NWD2: variants seen among roughly 807,000 people sequenced by gnomAD.
NWD2 encodes the protein NACHT and WD repeat domain-containing protein 2.
In NWD2, 37 loss-of-function variants were observed where a neutral mutation model predicts 132.7. That is an observed-to-expected ratio of 0.28 (90% CI 0.21 to 0.37). The LOEUF (loss-of-function observed/expected upper bound fraction) is 0.37. Among genes scored for constraint, NWD2 ranks in the 10% least tolerant of loss-of-function variants. NWD2 has a pLI of 1.00. For synonymous variants in NWD2, 705 were observed against 803.0 expected (o/e 0.88, Z 2.06); for missense variants, 1,592 against 2,122.4 (o/e 0.75, Z 4.91).
intron 2 of NWD2, among the ~76,000 whole-genome samples, chr4:37,354,478 G>A (rs1316047944): frequency 6.6e-6 from 1 of 152,220 alleles, no homozygotes; most frequent in Non-Finnish European, 1.5e-5. Context: ...CTGTCCCAGG[G>A]AGGTGGGAGT....
In NWD2 at chr4:37,447,560, T is replaced by A. The variant is rs1432640731; in HGVS notation, c.*343T>A. On this transcript the variant is annotated 3_prime_UTR_variant, in exon 7 of 7. Coordinates refer to ENST00000309447, the MANE Select transcript of NWD2 (RefSeq NM_001144990.2). ...TAGAGTTATATACAGATCATTTGGA[T>A]GGGAATTAGTTCTACAAAAATCAGC... The A allele has an allele frequency of 4.4e-6, 1 of 225,664 alleles. No individual in the cohort carries two copies. Among genetic ancestry groups the A allele is most frequent in the Non-Finnish European group, 8.8e-6 (1 of 113,606 alleles). 14.0% of individuals were successfully genotyped at this position (225,664 alleles called of 1,614,324 possible).
At chr4:37,276,568 T>C (rs1429725529) in intron 1 of NWD2, among the ~76,000 whole-genome samples, 1 of 152,116 alleles carries the variant, frequency 6.6e-6, no homozygotes, top group Non-Finnish European at 1.5e-5. Flanking sequence ...GAAATACCAT[T>C]TGACCCAGCC....
In NWD2 at chr4:37,446,416, A is replaced by C. The variant is rs578145579; in HGVS notation, c.4428A>C (p.Glu1476Asp). The change falls in exon 7 of 7, where the codon GAA becomes GAC. Residue 1476 changes from glutamate to aspartate, a missense_variant. Transcript: ENST00000309447. The surrounding 1 kb of genome is among the most constrained non-coding windows in gnomAD (Gnocchi z 6.7). ...TGSITKKFCC[E>D]DGTTIVNFKL... is the part of the protein sequence containing the mutation. Reference sequence around the variant, plus strand: ...GTATCACCAAGAAATTTTGCTGTGAAGATGGGACCACCATCGTGAATTTTA... The same window carrying C: ...GTATCACCAAGAAATTTTGCTGTGACGATGGGACCACCATCGTGAATTTTA... 1 of 1,551,796 alleles carries C rather than the reference A, an allele frequency of 6.4e-7. No individual in the cohort carries two copies. The highest frequency in any genetic ancestry group is 1.2e-5 in the South Asian group (1 of 84,056).
chr4:37,352,099 T>G (rs548945693), intron 2 of NWD2, among the ~76,000 whole-genome samples: 2 of 152,240 alleles, frequency 1.3e-5, no homozygotes, highest in Admixed American at 1.3e-4. Flanking sequence ...TCACTTCCAA[T>G]TATGGGGTCA....
chr4:37,283,724 T>C (rs942678710), intron 1 of NWD2, among the ~76,000 whole-genome samples: 1 of 152,210 alleles, frequency 6.6e-6, no homozygotes. Flanking sequence ...GACCAAGATT[T>C]TTCTTGATAT....
chr4:37,351,645 T>G (rs556012983), intron 2 of NWD2, among the ~76,000 whole-genome samples: 2 of 152,324 alleles, frequency 1.3e-5, no homozygotes, highest in South Asian at 4.1e-4. Flanking sequence ...ATTCATTGAT[T>G]TTTTTAAGAG....
intron 4 of NWD2, 112 bp from the exon 5 acceptor site, chr4:37,433,764 A>G (rs753310969): frequency 4.1e-6 from 3 of 724,722 alleles, no homozygotes; most frequent in Non-Finnish European, 6.6e-6. Flanking sequence ...TAAAGCACCT[A>G]TCATAGTATT....
At chr4:37,382,836 G>T (rs1017285460) in intron 3 of NWD2, among the ~76,000 whole-genome samples, 3 of 151,824 alleles carry the variant, frequency 2.0e-5, no homozygotes, top group African/African-American at 7.3e-5. Context: ...GATTACAGGC[G>T]CACACCACCA....
chr4:37,260,186 T>C (rs1717600498), intron 1 of NWD2, among the ~76,000 whole-genome samples: 1 of 152,160 alleles, frequency 6.6e-6, no homozygotes, highest in African/African-American at 2.4e-5. Flanking sequence ...GGTGTGACGT[T>C]CTTGTCCTTG....
chr4:37,258,600 G>T (rs1717566409), intron 1 of NWD2, among the ~76,000 whole-genome samples: 1 of 152,168 alleles, frequency 6.6e-6, no homozygotes, highest in South Asian at 2.1e-4. Flanking sequence ...GATTAAGTTT[G>T]GAATTTGAAA....
rs1475079944 is a variant in NWD2, at chr4:37,326,056, T to C, written c.240+32T>C. The C allele has an allele frequency of 7.5e-6, 10 of 1,328,032 alleles. No individual in the cohort carries two copies. In the East Asian group the frequency reaches 2.0e-4, roughly 27 times the overall value. The allele number at this position is 1,328,032 out of a possible 1,614,324, so 82.3% of individuals were successfully genotyped here. On this transcript the variant is annotated intron_variant, in intron 2 of 6. Transcript: ENST00000309447. ...CTAGTGTTAATTTCATTCACAGTTA[T>C]GTCCAGTTAAATAACTAGTGTTTGT...
chr4:37,400,020 G>T (rs1720870872), intron 3 of NWD2, among the ~76,000 whole-genome samples: 1 of 152,148 alleles, frequency 6.6e-6, no homozygotes, highest in Admixed American at 6.5e-5. Context: ...TCAGTAAGTA[G>T]CAGGTAACTG....
rs1049041916 is a variant in NWD2, at chr4:37,444,458, C to T, written c.2470C>T (p.Pro824Ser). ...GGTTTTCCAGTGTAATCCCCTGGAA[C>T]CTGACATCTTTTTCGTTAATCATCG... ...PWVFQCNPLE[P>S]DIFFVNHRKM... is the part of the protein sequence containing the mutation. The change falls in exon 7 of 7, where the codon CCT (proline) becomes TCT (serine). Residue 824 changes from proline (P) to serine (S), a missense_variant. By Grantham distance (74) the Pro-to-Ser change is moderately conservative (BLOSUM62 -1). Transcript: ENST00000309447. The surrounding 1 kb of genome is among the most constrained non-coding windows in gnomAD (Gnocchi z 4.8). 1.3e-6 allele frequency: 2 copies of T among 1,551,912 alleles called. No individual in the cohort carries two copies. The highest frequency in any genetic ancestry group is 1.7e-6 in the Non-Finnish European group (2 of 1,147,050).
chr4:37,285,849 T>G (rs938151513), intron 1 of NWD2, among the ~76,000 whole-genome samples: 19 of 152,226 alleles, frequency 1.2e-4, no homozygotes, highest in African/African-American at 4.6e-4. Flanking sequence ...AGTATCACTA[T>G]TCCATTCAGA....
At chr4:37,405,286 C>A (rs779114519) in intron 3 of NWD2, among the ~76,000 whole-genome samples, 9 of 152,028 alleles carry the variant, frequency 5.9e-5, no homozygotes, top group Non-Finnish European at 1.3e-4. Context: ...TTGTGGAGAG[C>A]GACTCTAAAA....
chr4:37,428,794 C>T (rs955570131), intron 3 of NWD2, among the ~76,000 whole-genome samples: 3 of 152,220 alleles, frequency 2.0e-5, no homozygotes, highest in African/African-American at 4.8e-5. Context: ...TGCAATGGCA[C>T]GATCTTGGCT....
intron 3 of NWD2, among the ~76,000 whole-genome samples, chr4:37,397,393 C>G (rs1407636691): frequency 1.3e-5 from 2 of 152,172 alleles, no homozygotes; most frequent in African/African-American, 4.8e-5. Context: ...AATCAGTAGA[C>G]TTTGAGTAAA....
intron 2 of NWD2, among the ~76,000 whole-genome samples, chr4:37,337,899 A>G (rs183652388): frequency 6.6e-6 from 1 of 151,854 alleles, no homozygotes; most frequent in Admixed American, 6.6e-5. Flanking sequence ...AAGACTTTCA[A>G]CTCTTGGCTT....
At chr4:37,383,964 A>G (rs1209858028) in intron 3 of NWD2, among the ~76,000 whole-genome samples, 1 of 151,602 alleles carries the variant, frequency 6.6e-6, no homozygotes, top group African/African-American at 2.4e-5. Context: ...TTTTTATTTA[A>G]TTTTTTTATA....
Sources: allele counts gnomAD v4.1 joint callset (sites outside exome capture counted in the v4.1 genomes callset), GRCh38; gene constraint gnomAD v4.1.1; non-coding constraint Gnocchi (gnomAD v3.1); transcripts MANE v1.5; gene names NCBI Gene and HGNC (gene_info 2026-07-23, HGNC 2026-07-21).